The following LHFPL3 variants were observed in gnomAD, a reference collection of about 807,000 sequenced individuals.
LHFPL3 encodes the protein LHFPL tetraspan subfamily member 3, also known as LHFPL tetraspan subfamily member 3 protein.
A neutral mutation model predicts 19.3 loss-of-function variants in LHFPL3; 5 were observed. The observed-to-expected ratio is 0.26, with a 90% CI of 0.14 to 0.54. The LOEUF (loss-of-function observed/expected upper bound fraction) is 0.54. Among genes scored for constraint, LHFPL3 ranks in the 20% least tolerant of loss-of-function variants. The pLI, the probability that LHFPL3 is intolerant of heterozygous loss-of-function variation, is 0.94. For missense variants in LHFPL3, 249 were observed against 307.4 expected (o/e 0.81, Z 1.42); for synonymous variants, 133 against 126.2 (o/e 1.05, Z -0.36).
At chr7:104,822,466 T>C (rs1306055220) in intron 2 of LHFPL3, among the ~76,000 whole-genome samples, 2 of 152,132 alleles carry the variant, frequency 1.3e-5, no homozygotes, top group Non-Finnish European at 2.9e-5. Flanking sequence ...GCTAATTCTG[T>C]GGGGGATGGA....
At chr7:104,621,261 C>G (rs924329140) in intron 1 of LHFPL3, among the ~76,000 whole-genome samples, 3 of 152,150 alleles carry the variant, frequency 2.0e-5, no homozygotes, top group Admixed American at 2.0e-4. Flanking sequence ...GGGGTTTTCT[C>G]CCTTTATGGA....
At chr7:104,806,747 CCT>C (rs1262330886) in intron 2 of LHFPL3, among the ~76,000 whole-genome samples, 1 of 152,118 alleles carries the variant, frequency 6.6e-6, no homozygotes, top group East Asian at 1.9e-4. Context: ...TTTCCAAGCC[CCT>C]GTGAGGCTGG....
At chr7:104,441,252 G>A (rs1792218853) in intron 1 of LHFPL3, among the ~76,000 whole-genome samples, 2 of 152,098 alleles carry the variant, frequency 1.3e-5, no homozygotes, top group Admixed American at 1.3e-4. Flanking sequence ...CTATGAGTGT[G>A]ACTATTTTAC....
chr7:104,438,011 C>T (rs1792145763), intron 1 of LHFPL3, among the ~76,000 whole-genome samples: 1 of 152,130 alleles, frequency 6.6e-6, no homozygotes, highest in African/African-American at 2.4e-5. Context: ...TAAGAGTCAT[C>T]TCGTTAGAGC....
intron 2 of LHFPL3, among the ~76,000 whole-genome samples, chr7:104,841,479 G>A (rs960393351): frequency 2.7e-4 from 35 of 128,842 alleles, no homozygotes; most frequent in African/African-American, 9.7e-4. Context: ...TATGTATTAC[G>A]ATGCATTATG....
Position 104,736,800 on chromosome 7 carries a change from A to C in LHFPL3, c.571A>C (p.Ile191Leu), listed in dbSNP as rs906821714. The change falls in exon 2 of 3, where the codon ATC becomes CTC. Residue 191 changes from isoleucine to leucine, a missense_variant. Transcript: ENST00000424859. ...GGCTTGCTCAGTCCGCTGGGCATAC[A>C]TCCTGGCTATTATTGGAATTTTGGA... is the stretch of plus-strand genomic sequence containing the variant. ...LGACSVRWAY[I>L]LAIIGILDAL... 1 of 1,613,542 alleles carries C rather than the reference A, an allele frequency of 6.2e-7. No individual in the cohort carries two copies. The highest frequency in any genetic ancestry group is 1.3e-5 in the African/African-American group (1 of 74,990).
At chr7:104,903,999 A>C in intron 2 of LHFPL3, among the ~76,000 whole-genome samples, 1 of 152,196 alleles carries the variant, frequency 6.6e-6, no homozygotes, top group South Asian at 2.1e-4. Context: ...TTGTTGGAGA[A>C]ATTTCCAAAC....
chr7:104,645,261 A>T (rs139103622), intron 1 of LHFPL3, among the ~76,000 whole-genome samples: 1 of 152,266 alleles, frequency 6.6e-6, no homozygotes, highest in African/African-American at 2.4e-5. Flanking sequence ...TGTTTTTTTC[A>T]AAACTGCTTT....
At position 104,618,668 on chromosome 7, in the gene LHFPL3, TA is replaced by T. The variant is rs201786906; in HGVS notation, c.446-117995del. Among the ~76,000 whole-genome samples, 285 of 146,932 alleles carry T rather than the reference TA, an allele frequency of 1.9e-3. 2 individuals carry two copies. Among genetic ancestry groups the T allele is most frequent in the African/African-American group, 5.3e-3 (212 of 40,010 alleles). ...TAATCCAAAAAAAATGTTGATTCTTTAAAAAAAAAAAAGTTCTTGTTTTCAA... is the reference window on the plus strand; with the variant it reads ...TAATCCAAAAAAAATGTTGATTCTTTAAAAAAAAAAAGTTCTTGTTTTCAA... On this transcript the variant is annotated intron_variant, in intron 1 of 2. Coordinates refer to ENST00000424859, the MANE Select transcript of LHFPL3 (RefSeq NM_199000.3).
At chr7:104,484,864 TGGC>T (rs996836785) in intron 1 of LHFPL3, among the ~76,000 whole-genome samples, 37 of 152,128 alleles carry the variant, frequency 2.4e-4, no homozygotes, top group Admixed American at 2.1e-3. Flanking sequence ...CCTGAAATGG[TGGC>T]ATTAATCCAT....
chr7:104,795,283 G>T (rs1158739799), intron 2 of LHFPL3, among the ~76,000 whole-genome samples: 1 of 152,174 alleles, frequency 6.6e-6, no homozygotes, highest in Non-Finnish European at 1.5e-5. Flanking sequence ...TGCCACACAA[G>T]ATCCTAATTA....
chr7:104,775,731 T>C (rs1794626527), intron 2 of LHFPL3, among the ~76,000 whole-genome samples: 1 of 152,166 alleles, frequency 6.6e-6, no homozygotes, highest in African/African-American at 2.4e-5. Context: ...ATTACATTAG[T>C]CACTAACTTT....
At chr7:104,881,974 C>T (rs1459619962) in intron 2 of LHFPL3, among the ~76,000 whole-genome samples, 3 of 152,180 alleles carry the variant, frequency 2.0e-5, no homozygotes, top group South Asian at 2.1e-4. Context: ...AATGCTACTG[C>T]GCACTTACCA....
At chr7:104,819,645 A>G (rs73714138) in intron 2 of LHFPL3, among the ~76,000 whole-genome samples, 1,633 of 152,360 alleles carry the variant, frequency 0.011, 28 homozygotes, top group African/African-American at 0.037. Flanking sequence ...AAGTCACAGC[A>G]GCCACATTAA....
chr7:104,576,747 C>T (rs1368916210), intron 1 of LHFPL3, among the ~76,000 whole-genome samples: 3 of 152,142 alleles, frequency 2.0e-5, no homozygotes, highest in Admixed American at 6.6e-5. Flanking sequence ...TATACCTTGA[C>T]CTACAGGTCT....
At chr7:104,580,502 A>C (rs531553521) in intron 1 of LHFPL3, among the ~76,000 whole-genome samples, 14 of 152,276 alleles carry the variant, frequency 9.2e-5, no homozygotes, top group African/African-American at 3.4e-4. Context: ...AATAAGTTGC[A>C]GTCATCAGTG....
chr7:104,354,500 C>T lies in LHFPL3; in HGVS notation c.445+25276C>T, dbSNP rs6961009. 5.2e-3 allele frequency among the ~76,000 whole-genome samples: 784 copies of T among 152,152 alleles called. 4 individuals carry two copies. The highest frequency in any genetic ancestry group is 0.018 in the African/African-American group (748 of 41,536). ...GCCCCCACACATCTGCTGGCAGTGCCGAGCAGTCTTGCATCCCCTCATCCC... is the reference window on the plus strand; with the variant it reads ...GCCCCCACACATCTGCTGGCAGTGCTGAGCAGTCTTGCATCCCCTCATCCC... On this transcript the variant is annotated intron_variant, in intron 1 of 2. Coordinates refer to ENST00000424859, the MANE Select transcript of LHFPL3 (RefSeq NM_199000.3).
intron 2 of LHFPL3, among the ~76,000 whole-genome samples, chr7:104,862,388 A>C (rs913343117): frequency 1.1e-4 from 16 of 152,278 alleles, no homozygotes; most frequent in African/African-American, 3.8e-4. Flanking sequence ...AGGCACTTTA[A>C]AACATTACTC....
intron 1 of LHFPL3, among the ~76,000 whole-genome samples, chr7:104,464,792 T>G (rs563978895): frequency 1.3e-5 from 2 of 152,312 alleles, no homozygotes; most frequent in East Asian, 3.9e-4. Flanking sequence ...CCTCTGGGCC[T>G]GTGATGAGAG....
Sources: gnomAD v4.1 joint callset for allele counts (sites outside exome capture counted in the v4.1 genomes callset) on GRCh38, gnomAD v4.1.1 for gene constraint, MANE v1.5 for transcripts, NCBI Gene and HGNC (gene_info 2026-07-23, HGNC 2026-07-21) for gene names.